The following KMT2C variants were observed in gnomAD, a reference collection of about 807,000 sequenced individuals.
KMT2C encodes the protein histone-lysine N-methyltransferase 2C.
KMT2C carries 88 observed loss-of-function variants against 507.9 expected under a neutral mutation model. The ratio of observed to expected loss-of-function variants is 0.17; its 90% CI spans 0.15 to 0.21. The LOEUF is 0.21. Ranked by LOEUF, KMT2C falls within the 10% of genes least tolerant of loss-of-function variation. The pLI is 1.00. For synonymous variants in KMT2C, 2,049 were observed against 2,080.8 expected (o/e 0.98, Z 0.42); for missense variants, 4,954 against 5,957.8 (o/e 0.83, Z 5.55).
chr7:152,373,652 G>C (rs1315764296), intron 1 of KMT2C, among the ~76,000 whole-genome samples: 1 of 152,128 alleles, frequency 6.6e-6, no homozygotes, highest in Admixed American at 6.5e-5. Flanking sequence ...GAAAATACAA[G>C]TTTATCAACT....
intron 9 of KMT2C, among the ~76,000 whole-genome samples, chr7:152,256,802 T>C (rs192969522): frequency 1.3e-5 from 2 of 152,020 alleles, no homozygotes; most frequent in East Asian, 1.9e-4. Flanking sequence ...TAAAACTACA[T>C]TGATACACCA....
At chr7:152,385,649 ATT>A (rs1381813496) in intron 1 of KMT2C, among the ~76,000 whole-genome samples, 1 of 134,404 alleles carries the variant, frequency 7.4e-6, no homozygotes, top group African/African-American at 2.9e-5. Flanking sequence ...AAAAAAAAAA[ATT>A]GAGACGTGTT....
chr7:152,417,048 C>CAAAA (rs34690030), intron 1 of KMT2C, among the ~76,000 whole-genome samples: 3 of 67,294 alleles, frequency 4.5e-5, no homozygotes, highest in Non-Finnish European at 7.4e-5. Flanking sequence ...GACATCATCT[C>CAAAA]AAAAAAAAAA....
intron 48 of KMT2C, 69 bp downstream of exon 48, chr7:152,153,941 A>G: frequency 6.8e-7 from 1 of 1,465,930 alleles, no homozygotes; most frequent in South Asian, 1.2e-5. Flanking sequence ...GTTTTATGGT[A>G]GACACCTGAC....
intron 23 of KMT2C, among the ~76,000 whole-genome samples, chr7:152,215,073 A>C (rs1270175117): frequency 6.7e-6 from 1 of 149,274 alleles, no homozygotes; most frequent in Non-Finnish European, 1.5e-5. Flanking sequence ...AATAAAAATA[A>C]ATGAAAAAAA....
At chr7:152,324,781 G>A (rs565560663) in intron 3 of KMT2C, among the ~76,000 whole-genome samples, 32 of 151,980 alleles carry the variant, frequency 2.1e-4, no homozygotes, top group East Asian at 5.8e-4. Context: ...CCTCACACAC[G>A]AGGCTAGTGT....
chr7:152,412,062 T>C (rs1589840279), intron 1 of KMT2C, among the ~76,000 whole-genome samples: 1 of 152,278 alleles, frequency 6.6e-6, no homozygotes, highest in South Asian at 2.1e-4. Flanking sequence ...GCCTATTTTC[T>C]TCCATTTAAC....
intron 26 of KMT2C, among the ~76,000 whole-genome samples, chr7:152,200,471 G>A (rs142881535): frequency 1.3e-5 from 2 of 152,204 alleles, no homozygotes; most frequent in Admixed American, 1.3e-4. Flanking sequence ...GCTCACGCCT[G>A]TAATCCCAGC....
chr7:152,185,719 T>A, intron 33 of KMT2C, 88 bp from the exon 34 acceptor site: 1 of 979,542 alleles, frequency 1.0e-6, no homozygotes, highest in South Asian at 1.3e-5. Flanking sequence ...TGCTGACAGT[T>A]AATCTTATTC....
At chr7:152,245,430 G>A (rs2095455340) in intron 14 of KMT2C, among the ~76,000 whole-genome samples, 1 of 152,102 alleles carries the variant, frequency 6.6e-6, no homozygotes, top group Non-Finnish European at 1.5e-5. Flanking sequence ...ACTAAATGCT[G>A]AAATATTGTT....
chr7:152,257,884 CAA>C (rs879643466), intron 9 of KMT2C, among the ~76,000 whole-genome samples: 1,517 of 146,834 alleles, frequency 0.01, 28 homozygotes, highest in African/African-American at 0.038. Context: ...CACACACACA[CAA>C]AAAAAACACC....
At chr7:152,425,634 T>A (rs908642889) in intron 1 of KMT2C, among the ~76,000 whole-genome samples, 5 of 152,172 alleles carry the variant, frequency 3.3e-5, no homozygotes, top group Admixed American at 1.3e-4. Context: ...GGTAGAACAA[T>A]TCAATGAGAA....
intron 14 of KMT2C, among the ~76,000 whole-genome samples, chr7:152,247,353 A>AT (rs144699380): frequency 2.8e-5 from 4 of 141,530 alleles, no homozygotes; most frequent in Admixed American, 7.1e-5. Flanking sequence ...CAATTCTAAG[A>AT]TTTTTTTCCA....
At chr7:152,385,705 ATTTT>A (rs143640145) in intron 1 of KMT2C, among the ~76,000 whole-genome samples, 2 of 142,790 alleles carry the variant, frequency 1.4e-5, no homozygotes, top group Non-Finnish European at 1.5e-5. Flanking sequence ...TTAACTGTCA[ATTTT>A]TTTTTAAGTA....
At chr7:152,238,940 T>A (rs1171484869) in intron 14 of KMT2C, 114 bp from the exon 15 acceptor site, 2 of 1,042,272 alleles carry the variant, frequency 1.9e-6, no homozygotes, top group East Asian at 5.4e-5. Flanking sequence ...TATGGAAATT[T>A]AGGACAAATT....
chr7:152,303,115 T>G (rs987555340), intron 6 of KMT2C, among the ~76,000 whole-genome samples: 2 of 152,164 alleles, frequency 1.3e-5, no homozygotes, highest in African/African-American at 4.8e-5. Context: ...AAACACAGAT[T>G]CACTGTTTGC....
At chr7:152,326,588 C>A (rs763882428) in intron 3 of KMT2C, among the ~76,000 whole-genome samples, 21 of 152,012 alleles carry the variant, frequency 1.4e-4, no homozygotes, top group Non-Finnish European at 2.4e-4. Context: ...CATTAAAATT[C>A]ATTAAATTCA....
intron 26 of KMT2C, among the ~76,000 whole-genome samples, chr7:152,201,293 GACACACACACACACAC>G (rs3839689): frequency 1.0e-3 from 138 of 137,054 alleles, no homozygotes; most frequent in African/African-American, 3.2e-3. Context: ...TACAGACACA[GACACACACACACACAC>G]ACACACACAC....
Position 152,162,828 on chromosome 7 carries a change from C to T in KMT2C, c.10749G>A (p.Pro3583=), listed in dbSNP as rs777944775. 5.6e-6 allele frequency: 9 copies of T among 1,614,134 alleles called. No homozygotes were observed. The South Asian group carries it at 6.6e-5, about 12-fold the overall frequency. ...DSTITHGHSY[P]GSTQSLIQLY... The stretch of plus-strand genomic sequence containing the variant: ...ACTGAATGAGCGATTGGGTTGATCC[C>T]GGATAACTGTGTCCATGGGTTATAG... Residue 3583 remains proline, a synonymous_variant, in exon 43 of 59, where the codon CCG becomes CCA. Coordinates refer to ENST00000262189, the MANE Select transcript of KMT2C (RefSeq NM_170606.3).
Sources: gnomAD v4.1 joint callset for allele counts (sites outside exome capture counted in the v4.1 genomes callset) on GRCh38, gnomAD v4.1.1 for gene constraint, MANE v1.5 for transcripts, NCBI Gene and HGNC (gene_info 2026-07-23, HGNC 2026-07-21) for gene names.